The following RNF207 variants were observed in gnomAD, a reference collection of about 807,000 sequenced individuals.
The protein encoded by RNF207 is ring finger protein 207.
A neutral mutation model predicts 79.0 loss-of-function variants in RNF207; 72 were observed. That is an observed-to-expected ratio of 0.91 (90% CI 0.75 to 1.11). The LOEUF (loss-of-function observed/expected upper bound fraction) is 1.11. Among genes scored for constraint, RNF207 ranks in the 50% least tolerant of loss-of-function variants. The pLI, the probability that RNF207 is intolerant of heterozygous loss-of-function variation, is 0.00. For synonymous variants in RNF207, 348 were observed against 366.2 expected (o/e 0.95, Z 0.57); for missense variants, 936 against 855.8 (o/e 1.09, Z -1.17).
intron 17 of RNF207, 21 bp from the exon 18 acceptor site, chr1:6,219,215 T>C: frequency 6.3e-7 from 1 of 1,587,756 alleles, no homozygotes; most frequent in Non-Finnish European, 8.6e-7. Flanking sequence ...GGGCTGGGCT[T>C]ACATGAGGCT....
intron 3 of RNF207, 37 bp from the exon 4 acceptor site, chr1:6,208,844 G>T (rs1183308467): frequency 2.0e-6 from 3 of 1,501,540 alleles, no homozygotes; most frequent in Non-Finnish European, 2.6e-6. Flanking sequence ...GGCCGCGGTC[G>T]GGCTCTGGCG....
At chr1:6,214,434 G>T (rs1321712518) in intron 16 of RNF207, among the ~76,000 whole-genome samples, 41 of 149,684 alleles carry the variant, frequency 2.7e-4, no homozygotes, top group Admixed American at 8.7e-4. Context: ...ATGGAGTCTT[G>T]CTCTGTTGCC....
intron 16 of RNF207, among the ~76,000 whole-genome samples, chr1:6,218,071 G>A (rs1335466990): frequency 1.3e-5 from 2 of 152,258 alleles, no homozygotes; most frequent in African/African-American, 4.8e-5. Context: ...CGACCAGCAC[G>A]CAGCTTCCAT....
intron 16 of RNF207, 131 bp downstream of exon 16, chr1:6,213,314 A>G: frequency 1.8e-6 from 1 of 566,254 alleles, no homozygotes; most frequent in Admixed American, 3.2e-5. Flanking sequence ...TGAGGTCAGC[A>G]GTTCGAGACC....
rs982147436 is a variant in RNF207 at position 6,209,977 on chromosome 1, T to C, written c.800+7T>C. On this transcript the variant is annotated splice_region_variant and intron_variant, in intron 8 of 17. Coordinates refer to ENST00000377939, the MANE Select transcript of RNF207 (RefSeq NM_207396.3). ...TGCTGCAGGCTGTGCAGAGGTGAGT[T>C]GGGGGGAGCGGGGCTTGCTTCCCTT... 2 of 1,582,318 alleles carry C rather than the reference T, an allele frequency of 1.3e-6. No individual in the cohort carries two copies. Among genetic ancestry groups the C allele is most frequent in the South Asian group, 1.2e-5 (1 of 86,916 alleles).
rs140447252 is a variant in RNF207 at position 6,210,280 on chromosome 1, G to A, written c.858G>A (p.Leu286=). 7 of 1,613,800 alleles carry A rather than the reference G, an allele frequency of 4.3e-6. No individual in the cohort carries two copies. The highest frequency in any genetic ancestry group is 4.0e-5 in the African/African-American group (3 of 74,900). The part of the protein sequence containing the change: ...FKEQLSHLAT[L]LPTLQVHLVI... ...AGCAGCTCTCTCACTTGGCCACCTT[G>A]CTGCCCACCCTGCAGGTACAGGGAG... Residue 286 remains leucine (L), a synonymous_variant, in exon 9 of 18, where the codon TTG becomes TTA. Coordinates refer to ENST00000377939, the MANE Select transcript of RNF207 (RefSeq NM_207396.3).
rs1456885690 is a variant in RNF207, at chr1:6,209,336, C to G, written c.620C>G (p.Ala207Gly). Residue 207 changes from alanine to glycine, a missense_variant, in exon 6 of 18, where the codon GCG becomes GGG. Physicochemically the swap from Ala to Gly is moderately conservative, Grantham distance 60. Coordinates refer to ENST00000377939, the MANE Select transcript of RNF207 (RefSeq NM_207396.3). ...YVQGCERLEQAVLAVKALQTA... is the reference protein window; with the variant it reads ...YVQGCERLEQGVLAVKALQTA... ...CAGGGCTGCGAGCGGCTGGAGCAGG[C>G]GGTGCTGGTGAGCGCAGGGGCCTGG... 6.5e-7 allele frequency: 1 copy of G among 1,544,402 alleles called. No homozygotes were observed. The highest frequency in any genetic ancestry group is 2.0e-5 in the Admixed American group (1 of 50,956).
rs563853380 is a variant in RNF207 at position 6,217,531 on chromosome 1, G to A, written c.1653-758G>A. Among the ~76,000 whole-genome samples, 1 of 152,306 alleles carries A rather than the reference G, an allele frequency of 6.6e-6. No homozygotes were observed. Among genetic ancestry groups the A allele is most frequent in the South Asian group, 2.1e-4 (1 of 4,826 alleles). On this transcript the variant is annotated intron_variant, in intron 16 of 17. Transcript: ENST00000377939. The surrounding 1 kb of genome is among the most constrained non-coding windows in gnomAD (Gnocchi z 4.2). ...CCAGAATGCTTGACGTCCTCCCGCA[G>A]ACATGCTATTCCCATCTCCCCATCT...
In RNF207 at chr1:6,219,567, A is replaced by G. The variant is rs1668480925; in HGVS notation, c.*160A>G. The G allele has an allele frequency of 2.2e-6, 1 of 449,250 alleles. No individual in the cohort carries two copies. The highest frequency in any genetic ancestry group is 3.7e-5 in the East Asian group (1 of 26,728). The allele number at this position is 449,250 out of a possible 1,614,324, so 27.8% of individuals were successfully genotyped here. ...GAGTGTAATGGTGCAATCTCGGCTC[A>G]CTGCAACCTCTGCCTCCTGGGTTCA... On this transcript the variant is annotated 3_prime_UTR_variant, in exon 18 of 18. Coordinates refer to ENST00000377939, the MANE Select transcript of RNF207 (RefSeq NM_207396.3).
At chr1:6,218,077 T>G (rs917143489) in intron 16 of RNF207, among the ~76,000 whole-genome samples, 2 of 152,246 alleles carry the variant, frequency 1.3e-5, no homozygotes, top group African/African-American at 4.8e-5. Flanking sequence ...GCACGCAGCT[T>G]CCATGATGGC....
At position 6,210,382 on chromosome 1, in the gene RNF207, A is replaced by G; in HGVS notation, c.886A>G (p.Ile296Val). ...LLPTLQVHLV[I>V]CSSFLSLANK... ...TCCCCTCCCCCAGGTCCACCTGGTC[A>G]TCTGCTCCTCCTTCCTCAGCTTGGC... The change falls in exon 10 of 18, where the codon ATC (isoleucine) becomes GTC (valine). Residue 296 changes from isoleucine to valine, a missense_variant. Physicochemically the swap from Ile to Val is conservative, Grantham distance 29. Transcript: ENST00000377939. 1.2e-6 allele frequency: 2 copies of G among 1,613,684 alleles called. No homozygotes were observed.
rs994940019 is a variant in RNF207, at chr1:6,218,317, G to A, written c.1681G>A (p.Glu561Lys). 5.0e-6 allele frequency: 8 copies of A among 1,614,124 alleles called. No individual in the cohort carries two copies. The highest frequency in any genetic ancestry group is 5.9e-6 in the Non-Finnish European group (7 of 1,179,962). ...TCAGGCACCCGTGGATGAGCAGTCA[G>A]AGAGTCTACAGAACACGCACGACGA... Reference protein sequence around the residue: ...RFQAPVDEQSESLQNTHDDSR... With the variant: ...RFQAPVDEQSKSLQNTHDDSR... Residue 561 changes from glutamate to lysine, a missense_variant, in exon 17 of 18, where the codon GAG becomes AAG. Glu to Lys is a moderately conservative substitution (Grantham distance 56). Coordinates refer to ENST00000377939, the MANE Select transcript of RNF207 (RefSeq NM_207396.3).
Position 6,211,113 on chromosome 1 carries a change from T to C in RNF207, c.1104T>C (p.Ala368=), listed in dbSNP as rs1668147999. ...GGGTGGCAGCTGCTGCAAGTGGTGCTAACACGTGAGCAGCAACCGGGGAGG... is the reference window on the plus strand; with the variant it reads ...GGGTGGCAGCTGCTGCAAGTGGTGCCAACACGTGAGCAGCAACCGGGGAGG... ...PRRVAAAASG[A]NTLAGGLGPK... Residue 368 remains alanine, a synonymous_variant, in exon 12 of 18, where the codon GCT becomes GCC. Transcript: ENST00000377939. This position sits in a 1 kb window ranked among gnomAD's most constrained non-coding sequence, Gnocchi z 4.2. The C allele has an allele frequency of 6.3e-7, 1 of 1,589,496 alleles. No homozygotes were observed. Among genetic ancestry groups the C allele is most frequent in the Non-Finnish European group, 8.5e-7 (1 of 1,172,918 alleles).
In RNF207 at chr1:6,210,212, C is replaced by G; in HGVS notation, c.801-11C>G. ...TGGCCCCCTGGAAACCAGGCAGCCC[C>G]CCTCCCCCAGCCAATACGAAGAGAA... On this transcript the variant is annotated splice_polypyrimidine_tract_variant and intron_variant, in intron 8 of 17. Transcript: ENST00000377939. 1.9e-6 allele frequency: 3 copies of G among 1,611,856 alleles called. No individual in the cohort carries two copies. The South Asian group carries it at 3.3e-5, about 18-fold the overall frequency.
chr1:6,213,082 T>C lies in RNF207; in HGVS notation c.1551T>C (p.Leu517=), dbSNP rs749629307. 32 of 1,612,894 alleles carry C rather than the reference T, an allele frequency of 2.0e-5. No homozygotes were observed. The highest frequency in any genetic ancestry group is 2.5e-6 in the Non-Finnish European group (3 of 1,179,422). ...GCCCCACAGCCCAGCTCCATGACCTTCTCCAGCTGAGGCAGGAGAATGCCT... is the reference window on the plus strand; with the variant it reads ...GCCCCACAGCCCAGCTCCATGACCTCCTCCAGCTGAGGCAGGAGAATGCCT... The part of the protein sequence containing the change: ...QEIYEAQLHD[L]LQLRQENAYL... The change falls in exon 16 of 18, where the codon CTT becomes CTC. Residue 517 remains leucine (L), a synonymous_variant. Coordinates refer to ENST00000377939, the MANE Select transcript of RNF207 (RefSeq NM_207396.3).
At chr1:6,213,465 T>C (rs899415146) in intron 16 of RNF207, among the ~76,000 whole-genome samples, 1 of 137,184 alleles carries the variant, frequency 7.3e-6, no homozygotes, top group Admixed American at 7.0e-5. Context: ...TGAGACCTTG[T>C]CTTAAAAAAA....
Position 6,212,324 on chromosome 1 carries a change from A to G in RNF207, c.1390A>G (p.Met464Val). 2 of 1,613,572 alleles carry G rather than the reference A, an allele frequency of 1.2e-6. No homozygotes were observed. The highest frequency in any genetic ancestry group is 2.2e-5 in the East Asian group (1 of 44,862). ...KHHSLIKAEI[M>V]GDVLHKSLQL... ...CCACTCGCTCATCAAGGCGGAGATC[A>G]TGGGAGACGTCCTGCACAAGTCCCT... The change falls in exon 14 of 18, where the codon ATG becomes GTG. Residue 464 changes from methionine (M) to valine (V), a missense_variant. Transcript: ENST00000377939.
chr1:6,212,075 GGA>G (rs1491365191), intron 13 of RNF207, 22 bp downstream of exon 13: 21 of 1,572,504 alleles, frequency 1.3e-5, no homozygotes, highest in Admixed American at 8.9e-5. Flanking sequence ...GGGATCTGCC[GGA>G]GGGGGGAGAT....
chr1:6,211,165 G>A lies in RNF207; in HGVS notation c.1109+47G>A, dbSNP rs1474247466. The A allele has an allele frequency of 1.5e-6, 2 of 1,355,884 alleles. No individual in the cohort carries two copies. The highest frequency in any genetic ancestry group is 1.3e-5 in the South Asian group (1 of 76,684). 84.0% of individuals were successfully genotyped at this position (1,355,884 alleles called of 1,614,324 possible). A position where few individuals can be genotyped will look rare whatever the true frequency, so the allele number is the denominator to read the frequency against. Reference sequence around the variant, plus strand: ...CAGGCACAAGGTCCCCAACACTGGGGTGTGGGGGAGGGTGGGCGCTGAGGG... The same window carrying A: ...CAGGCACAAGGTCCCCAACACTGGGATGTGGGGGAGGGTGGGCGCTGAGGG... On this transcript the variant is annotated intron_variant, in intron 12 of 17. Coordinates refer to ENST00000377939, the MANE Select transcript of RNF207 (RefSeq NM_207396.3). This position sits in a 1 kb window ranked among gnomAD's most constrained non-coding sequence, Gnocchi z 4.2.
Sources: gnomAD v4.1 joint callset for allele counts (sites outside exome capture counted in the v4.1 genomes callset) on GRCh38, gnomAD v4.1.1 for gene constraint, Gnocchi (gnomAD v3.1) non-coding constraint, MANE v1.5 for transcripts, NCBI Gene and HGNC (gene_info 2026-07-23, HGNC 2026-07-21) for gene names.